The following SIPA1L1 variants were observed in gnomAD, a reference collection of about 807,000 sequenced individuals.
The protein encoded by SIPA1L1 is signal induced proliferation associated 1 like 1.
Under a neutral mutation model 162.7 loss-of-function variants are expected in SIPA1L1, and 26 were observed. That is an observed-to-expected ratio of 0.16 (90% CI 0.12 to 0.22). SIPA1L1 has a LOEUF of 0.22. SIPA1L1 is among the 10% of genes least tolerant of loss of function. The pLI is 1.00. For missense variants in SIPA1L1, 1,874 were observed against 2,241.0 expected (o/e 0.84, Z 3.31); for synonymous variants, 829 against 837.4 (o/e 0.99, Z 0.17).
At position 71,723,786 on chromosome 14, in the gene SIPA1L1, A is replaced by G. The variant is rs755690111; in HGVS notation, c.4348A>G (p.Arg1450Gly). 3 of 1,614,186 alleles carry G rather than the reference A, an allele frequency of 1.9e-6. No individual in the cohort carries two copies. The highest frequency in any genetic ancestry group is 1.7e-5 in the Admixed American group (1 of 60,028). ...SSSSSSSSGP[R>G]SFYPRQGATS... ...CTCTTCCTCCTCCTCCTCTGGTCCT[A>G]GGAGTTTTTACCCTCGCCAGGGCGC... The change falls in exon 18 of 24, where the codon AGG becomes GGG. Residue 1450 changes from arginine (R) to glycine (G), a missense_variant. This residue lies in a region of SIPA1L1 where 936 missense variants were observed against 1,051.9 expected (regional missense o/e 0.89). Coordinates refer to ENST00000381232, the MANE Select transcript of SIPA1L1 (RefSeq NM_001386936.1).
At chr14:71,614,146 A>C (rs2038547903) in intron 5 of SIPA1L1, among the ~76,000 whole-genome samples, 1 of 151,528 alleles carries the variant, frequency 6.6e-6, no homozygotes, top group South Asian at 2.1e-4. Flanking sequence ...TTAACCCAGG[A>C]GGCGGAGGTT....
chr14:71,590,212 CT>C (rs1208501254), intron 5 of SIPA1L1, among the ~76,000 whole-genome samples: 3 of 151,722 alleles, frequency 2.0e-5, no homozygotes, highest in African/African-American at 7.3e-5. Context: ...CCCTTACAAG[CT>C]TTTTGAGCAG....
chr14:71,733,482 A>G (rs1410131217), intron 20 of SIPA1L1, among the ~76,000 whole-genome samples, 184 bp from the exon 21 acceptor site: 1 of 152,236 alleles, frequency 6.6e-6, no homozygotes, highest in Non-Finnish European at 1.5e-5. Context: ...AAATGAAGGC[A>G]GACTAGAGGA....
intron 2 of SIPA1L1, among the ~76,000 whole-genome samples, chr14:71,442,227 G>A (rs1297069405): frequency 1.3e-5 from 2 of 149,234 alleles, no homozygotes; most frequent in Admixed American, 6.7e-5. Flanking sequence ...AAAATCTTGC[G>A]GGCTAATTAA....
intron 7 of SIPA1L1, among the ~76,000 whole-genome samples, chr14:71,639,743 C>T (rs1041859713): frequency 1.3e-5 from 2 of 152,108 alleles, no homozygotes; most frequent in African/African-American, 4.8e-5. Flanking sequence ...ATCGGTGGAA[C>T]AGAATAGAGA....
intron 2 of SIPA1L1, among the ~76,000 whole-genome samples, chr14:71,503,122 G>A (rs1184383638): frequency 6.6e-6 from 1 of 152,176 alleles, no homozygotes; most frequent in Non-Finnish European, 1.5e-5. Context: ...TTGTATGTCT[G>A]AGTTTAGCTT....
At chr14:71,481,831 G>A (rs2048376773) in intron 2 of SIPA1L1, among the ~76,000 whole-genome samples, 1 of 152,132 alleles carries the variant, frequency 6.6e-6, no homozygotes. Flanking sequence ...TAGACAATTA[G>A]GAAGGTGAAG....
At chr14:71,731,550 T>A (rs953315862) in intron 20 of SIPA1L1, among the ~76,000 whole-genome samples, 2 of 152,252 alleles carry the variant, frequency 1.3e-5, no homozygotes, top group African/African-American at 4.8e-5. Flanking sequence ...ATTCCATTAT[T>A]CCTGCCTTAC....
chr14:71,690,907 A>G (rs1402827262), intron 13 of SIPA1L1, among the ~76,000 whole-genome samples: 1 of 152,144 alleles, frequency 6.6e-6, no homozygotes, highest in Non-Finnish European at 1.5e-5. Context: ...AAAGGCATGA[A>G]AGTGTCTCAC....
intron 17 of SIPA1L1, among the ~76,000 whole-genome samples, chr14:71,718,551 A>C (rs1484154936): frequency 1.3e-5 from 2 of 152,184 alleles, no homozygotes; most frequent in Admixed American, 6.5e-5. Flanking sequence ...TTGGGGGGCT[A>C]AGGTGGAAGG....
chr14:71,716,954 C>T (rs1206338674), intron 17 of SIPA1L1, among the ~76,000 whole-genome samples: 2 of 152,226 alleles, frequency 1.3e-5, no homozygotes, highest in South Asian at 2.1e-4. Context: ...GGCTGGAGTG[C>T]AGTAGCACGA....
intron 2 of SIPA1L1, among the ~76,000 whole-genome samples, chr14:71,353,273 A>G (rs954122242): frequency 4.6e-5 from 7 of 152,194 alleles, no homozygotes; most frequent in Middle Eastern, 3.2e-3. Context: ...GTTTATCTCA[A>G]GGTCACAAAG....
chr14:71,571,693 G>A (rs1311341134), intron 4 of SIPA1L1, among the ~76,000 whole-genome samples: 3 of 152,008 alleles, frequency 2.0e-5, no homozygotes, highest in African/African-American at 7.2e-5. Flanking sequence ...CCAGGCTGGA[G>A]TGCAGTGGCA....
intron 2 of SIPA1L1, among the ~76,000 whole-genome samples, chr14:71,461,286 T>TG (rs1313741861): frequency 6.6e-6 from 1 of 152,118 alleles, no homozygotes; most frequent in Non-Finnish European, 1.5e-5. Context: ...GCTGGCAAAT[T>TG]GGGCACTCAG....
intron 4 of SIPA1L1, among the ~76,000 whole-genome samples, chr14:71,573,032 A>G (rs1407022330): frequency 6.6e-6 from 1 of 152,256 alleles, no homozygotes; most frequent in African/African-American, 2.4e-5. Context: ...CAAATTAAAA[A>G]GTAGCAATAT....
intron 18 of SIPA1L1, 129 bp downstream of exon 18, chr14:71,724,015 G>C (rs1448611188): frequency 1.0e-6 from 1 of 998,882 alleles, no homozygotes; most frequent in Non-Finnish European, 1.4e-6. Context: ...TCTGTTGGTG[G>C]GATTATGATT....
intron 8 of SIPA1L1, among the ~76,000 whole-genome samples, chr14:71,657,066 G>A (rs936486600): frequency 2.0e-5 from 3 of 152,120 alleles, no homozygotes; most frequent in Non-Finnish European, 2.9e-5. Context: ...AAATAGGGTC[G>A]AGGCCAGGTA....
At chr14:71,469,595 G>C (rs1214143821) in intron 2 of SIPA1L1, among the ~76,000 whole-genome samples, 1 of 152,206 alleles carries the variant, frequency 6.6e-6, no homozygotes, top group East Asian at 1.9e-4. Context: ...TGTGCATGCT[G>C]TTAGTGTGGG....
At chr14:71,570,845 G>C (rs139389027) in intron 4 of SIPA1L1, among the ~76,000 whole-genome samples, 30 of 152,248 alleles carry the variant, frequency 2.0e-4, no homozygotes, top group African/African-American at 7.0e-4. Context: ...GGGGTGCAGT[G>C]GCACCATCTC....
Sources: allele counts gnomAD v4.1 joint callset (sites outside exome capture counted in the v4.1 genomes callset), GRCh38; gene constraint gnomAD v4.1.1; regional missense constraint gnomAD v4.1.1; transcripts MANE v1.5; gene names NCBI Gene and HGNC (gene_info 2026-07-23, HGNC 2026-07-21).